Variants in MAGEC3 observed in about 807,000 individuals in gnomAD.
MAGEC3 encodes the protein MAGE family member C3, also known as melanoma-associated antigen C3.
MAGEC3 carries 34 observed loss-of-function variants against 35.3 expected under a neutral mutation model. That is an observed-to-expected ratio of 0.96 (90% CI 0.73 to 1.28). MAGEC3 has a LOEUF of 1.28. Among genes scored for constraint, MAGEC3 ranks in the 50% most tolerant of loss-of-function variants. The pLI is 0.00. For synonymous variants in MAGEC3, 202 were observed against 185.6 expected (o/e 1.09, Z -0.72); for missense variants, 561 against 483.6 (o/e 1.16, Z -1.50).
rs11414468 is a variant in MAGEC3 at position 141,846,206 on chromosome X, G to GTT, written c.123+7782_123+7783dup. Among the ~76,000 whole-genome samples the GTT allele has an allele frequency of 5.0e-3, 462 of 92,637 alleles. 1 individual carries two copies. Among genetic ancestry groups the GTT allele is most frequent in the African/African-American group, 0.015 (394 of 26,025 alleles). The allele number at this position is 92,637 out of a possible 115,157, so 80.4% of individuals were successfully genotyped here. On this transcript the variant is annotated intron_variant, in intron 1 of 7. Transcript: ENST00000298296. ...AAATTCTTGTTGCTTCCTCACCAGT[G>GTT]TTTTTTTTTTTTTTTAAATAAATGT...
intron 2 of MAGEC3, among the ~76,000 whole-genome samples, chrX:141,872,168 G>A (rs1266017595): frequency 9.0e-6 from 1 of 111,255 alleles, no homozygotes; most frequent in Admixed American, 9.5e-5. Flanking sequence ...TTATGAAGTT[G>A]GTAAGGTCCC....
chrX:141,842,471 A>G (rs924474619), intron 1 of MAGEC3, among the ~76,000 whole-genome samples: 1 of 111,943 alleles, frequency 8.9e-6, no homozygotes, highest in Non-Finnish European at 1.9e-5. Flanking sequence ...AGCATCCTGT[A>G]TAACTTGGAA....
chrX:141,895,532 G>T lies in MAGEC3; in HGVS notation c.1096G>T (p.Ala366Ser). The T allele has an allele frequency of 8.3e-7, 1 of 1,208,611 alleles. No homozygotes were observed. The highest frequency in any genetic ancestry group is 2.2e-5 in the Admixed American group (1 of 45,756). The change falls in exon 6 of 8, where the codon GCG (alanine) becomes TCG (serine). Residue 366 changes from alanine to serine, a missense_variant. Physicochemically the swap from Ala to Ser is moderately conservative, Grantham distance 99. Transcript: ENST00000298296. Reference protein sequence around the residue: ...QEDGRRGLTEASPQQKKGGED... With the variant: ...QEDGRRGLTESSPQQKKGGED... ...AGATGGCCGCCGAGGGCTGACCGAG[G>T]CGTCCCCACAACAGAAGAAGGGAGG...
At chrX:141,852,879 G>A (rs2017759419) in intron 1 of MAGEC3, among the ~76,000 whole-genome samples, 1 of 111,158 alleles carries the variant, frequency 9.0e-6, no homozygotes, top group Non-Finnish European at 1.9e-5. Flanking sequence ...TTGGTTTGTA[G>A]TTTTCTTTTC....
chrX:141,839,883 T>G (rs1415712436), intron 1 of MAGEC3: 1 of 466,077 alleles, frequency 2.1e-6, no homozygotes, highest in Non-Finnish European at 2.6e-6. Flanking sequence ...GAGACAGAGA[T>G]GCTTCTAAGC....
intron 2 of MAGEC3, among the ~76,000 whole-genome samples, chrX:141,870,322 GT>G (rs1467173869): frequency 9.0e-6 from 1 of 111,537 alleles, no homozygotes; most frequent in African/African-American, 3.3e-5. Context: ...ATTTTAACCA[GT>G]TTGACCATGA....
chrX:141,839,557 C>G (rs892103265), intron 1 of MAGEC3: 1 of 752,196 alleles, frequency 1.3e-6, no homozygotes, highest in African/African-American at 2.3e-5. Flanking sequence ...GCAGGCTTTG[C>G]AGCTCCTACC....
At chrX:141,860,542 C>T (rs975482464) in intron 1 of MAGEC3, among the ~76,000 whole-genome samples, 2 of 111,699 alleles carry the variant, frequency 1.8e-5, no homozygotes, top group African/African-American at 6.5e-5. Context: ...AATGTGGAAA[C>T]AACCCAAATG....
intron 4 of MAGEC3, 69 bp downstream of exon 4, chrX:141,881,865 G>A (rs2017968986): frequency 8.5e-7 from 1 of 1,172,343 alleles, no homozygotes; most frequent in East Asian, 3.0e-5. Flanking sequence ...TTTGAGTGCA[G>A]GGACATTACC....
intron 2 of MAGEC3, among the ~76,000 whole-genome samples, chrX:141,870,824 T>C (rs768277711): frequency 8.9e-6 from 1 of 112,130 alleles, no homozygotes; most frequent in East Asian, 2.8e-4. Context: ...TCCATACCTG[T>C]CTGGCCTTAC....
intron 4 of MAGEC3, among the ~76,000 whole-genome samples, chrX:141,885,693 T>C (rs757170438): frequency 7.7e-4 from 77 of 100,251 alleles, no homozygotes; most frequent in African/African-American, 2.6e-3. Flanking sequence ...AAAAAAGTTC[T>C]AATAGTGTAC....
At chrX:141,853,027 C>T (rs997312870) in intron 1 of MAGEC3, among the ~76,000 whole-genome samples, 2 of 111,389 alleles carry the variant, frequency 1.8e-5, no homozygotes, top group African/African-American at 6.5e-5. Context: ...CCAGTGAAGT[C>T]ACTGGACCTG....
intron 1 of MAGEC3, chrX:141,838,917 C>A: frequency 1.4e-6 from 1 of 701,337 alleles, no homozygotes; most frequent in Non-Finnish European, 1.7e-6. Context: ...GAGGGCAGGG[C>A]TCTAAAATGG....
chrX:141,875,288 A>G (rs141945173), intron 2 of MAGEC3, among the ~76,000 whole-genome samples: 3,392 of 111,254 alleles, frequency 0.03, 135 homozygotes, highest in African/African-American at 0.1. Context: ...ATATCAAAAC[A>G]TGTGCCACCT....
chrX:141,883,859 G>T (rs1287823920), intron 4 of MAGEC3, among the ~76,000 whole-genome samples: 3 of 113,150 alleles, frequency 2.7e-5, no homozygotes, highest in African/African-American at 6.4e-5. Context: ...AGACAGGCTA[G>T]CTCTGATGAG....
At chrX:141,875,222 G>T (rs1022666898) in intron 2 of MAGEC3, among the ~76,000 whole-genome samples, 3 of 111,439 alleles carry the variant, frequency 2.7e-5, no homozygotes, top group Non-Finnish European at 3.8e-5. Flanking sequence ...AGAGGTTGGG[G>T]TAACAAATGC....
chrX:141,857,143 T>TA (rs1384693761), intron 1 of MAGEC3, among the ~76,000 whole-genome samples: 1 of 110,164 alleles, frequency 9.1e-6, no homozygotes, highest in African/African-American at 3.3e-5. Flanking sequence ...TCTCCCAAGT[T>TA]AAGAACTCTT....
At position 141,838,468 on chromosome X, in the gene MAGEC3, AG is replaced by A. The variant is rs778004501; in HGVS notation, c.123+31del. The A allele has an allele frequency of 3.2e-5, 38 of 1,190,490 alleles. No homozygotes were observed. In the South Asian group the frequency reaches 6.8e-4, roughly 21 times the overall value. Reference sequence around the variant, plus strand: ...GGTAGCCCATGAATGCTCATGTCTAAGCCCCAGGTTAACAGCCAGCTCTTCT... The same window carrying A: ...GGTAGCCCATGAATGCTCATGTCTAACCCCAGGTTAACAGCCAGCTCTTCT... On this transcript the variant is annotated intron_variant, in intron 1 of 7. Transcript: ENST00000298296.
Position 141,895,295 on chromosome X carries a change from G to A in MAGEC3, c.936G>A (p.Ala312=), listed in dbSNP as rs749208598. The part of the protein sequence containing the change: ...IGPWSALAGF[A]DVLSRLALWE... Reference sequence around the variant, plus strand: ...CCTGGTCAGCCTTGGCAGGGTTCGCGGATGTGCTTTCCCGACTTGCACTGT... The same window carrying A: ...CCTGGTCAGCCTTGGCAGGGTTCGCAGATGTGCTTTCCCGACTTGCACTGT... Residue 312 remains alanine, a synonymous_variant, in exon 5 of 8, where the codon GCG becomes GCA. Coordinates refer to ENST00000298296, the MANE Select transcript of MAGEC3 (RefSeq NM_138702.1). The A allele has an allele frequency of 2.5e-6, 3 of 1,208,267 alleles. No homozygotes were observed. The highest frequency in any genetic ancestry group is 3.5e-5 in the South Asian group (2 of 56,686).
Sources: allele counts gnomAD v4.1 joint callset (sites outside exome capture counted in the v4.1 genomes callset), GRCh38; gene constraint gnomAD v4.1.1; transcripts MANE v1.5; gene names NCBI Gene and HGNC (gene_info 2026-07-23, HGNC 2026-07-21).